The following FOXJ3 variants were observed in gnomAD, a reference collection of about 807,000 sequenced individuals.
The protein encoded by FOXJ3 is forkhead box protein J3.
A neutral mutation model predicts 76.1 loss-of-function variants in FOXJ3; 22 were observed. That is an observed-to-expected ratio of 0.29 (90% CI 0.21 to 0.41). The LOEUF is 0.41. FOXJ3 is among the 10% of genes least tolerant of loss of function. FOXJ3 has a pLI of 1.00. For synonymous variants in FOXJ3, 269 were observed against 261.2 expected (o/e 1.03, Z -0.29); for missense variants, 613 against 762.1 (o/e 0.80, Z 2.30).
At chr1:42,279,098 G>C (rs1652507385) in intron 2 of FOXJ3, among the ~76,000 whole-genome samples, 1 of 152,142 alleles carries the variant, frequency 6.6e-6, no homozygotes, top group African/African-American at 2.4e-5. Flanking sequence ...CAAATTTTAG[G>C]AGAGTCATAA....
At chr1:42,190,619 A>T (rs997469685) in intron 9 of FOXJ3, among the ~76,000 whole-genome samples, 1 of 152,258 alleles carries the variant, frequency 6.6e-6, no homozygotes, top group Non-Finnish European at 1.5e-5. Context: ...AAGCAGTACT[A>T]GAATCCAGAT....
chr1:42,324,103 T>TATATACACAATGTATATATA (rs1553170579), intron 1 of FOXJ3, among the ~76,000 whole-genome samples: 1 of 88,342 alleles, frequency 1.1e-5, no homozygotes, highest in Non-Finnish European at 2.1e-5. Context: ...ATATATACTG[T>TATATACACAATGTATATATA]GTATATACAC....
chr1:42,207,657 A>T (rs1292201851), intron 5 of FOXJ3, among the ~76,000 whole-genome samples: 1 of 152,222 alleles, frequency 6.6e-6, no homozygotes, highest in Non-Finnish European at 1.5e-5. Context: ...ATCATACCAG[A>T]TGAGCGAGAG....
chr1:42,269,189 G>A lies in FOXJ3; in HGVS notation c.370-4000C>T, dbSNP rs141192506. The stretch of plus-strand genomic sequence containing the variant: ...AAAGGGGATAACTAATAACAGAATT[G>A]TGGCGATAAAATGGAATCATAAAAA... On this transcript the variant is annotated intron_variant, in intron 3 of 12. Coordinates refer to ENST00000361346, the MANE Select transcript of FOXJ3 (RefSeq NM_014947.5). 3.1e-3 allele frequency among the ~76,000 whole-genome samples: 473 copies of A among 152,198 alleles called. 4 individuals carry two copies. The highest frequency in any genetic ancestry group is 0.011 in the African/African-American group (449 of 41,522).
chr1:42,266,509 G>A (rs551040846), intron 3 of FOXJ3, among the ~76,000 whole-genome samples: 20 of 152,264 alleles, frequency 1.3e-4, no homozygotes, highest in African/African-American at 4.8e-4. Context: ...ACAGGAAAAA[G>A]AGATGGCCAC....
chr1:42,208,348 T>A (rs1053587497), intron 5 of FOXJ3, among the ~76,000 whole-genome samples: 3 of 152,216 alleles, frequency 2.0e-5, no homozygotes, highest in African/African-American at 7.2e-5. Context: ...CATGATCAAG[T>A]GGGATTTATC....
At chr1:42,197,976 T>A (rs1181598573) in intron 7 of FOXJ3, among the ~76,000 whole-genome samples, 2 of 152,156 alleles carry the variant, frequency 1.3e-5, no homozygotes, top group Non-Finnish European at 2.9e-5. Flanking sequence ...TTTTAATTGT[T>A]TTTTGTTGTT....
At chr1:42,222,396 AGCTATTT>A (rs1647247798) in intron 5 of FOXJ3, among the ~76,000 whole-genome samples, 3 of 152,236 alleles carry the variant, frequency 2.0e-5, no homozygotes, top group Non-Finnish European at 4.4e-5. Context: ...ATCATCCACA[AGCTATTT>A]GGAGAATGAA....
At chr1:42,260,011 A>T (rs770858566) in intron 4 of FOXJ3, among the ~76,000 whole-genome samples, 1 of 152,188 alleles carries the variant, frequency 6.6e-6, no homozygotes, top group Non-Finnish European at 1.5e-5. Flanking sequence ...TTTCGGTCCA[A>T]CCAAACTCTT....
At chr1:42,187,301 G>A (rs1646457756) in intron 11 of FOXJ3, among the ~76,000 whole-genome samples, 1 of 152,364 alleles carries the variant, frequency 6.6e-6, no homozygotes, top group East Asian at 1.9e-4. Flanking sequence ...TTTTGAGGCT[G>A]ACTGAAATGG....
At chr1:42,333,749 A>C (rs1656296487) in intron 1 of FOXJ3, among the ~76,000 whole-genome samples, 1 of 152,192 alleles carries the variant, frequency 6.6e-6, no homozygotes, top group African/African-American at 2.4e-5. Context: ...CCATGTTTCA[A>C]ACCAGTTTCA....
intron 4 of FOXJ3, among the ~76,000 whole-genome samples, chr1:42,235,618 A>C (rs1191563747): frequency 6.6e-6 from 1 of 150,992 alleles, no homozygotes; most frequent in Non-Finnish European, 1.5e-5. Flanking sequence ...GCTGGAGTGC[A>C]GTGGCGCAAC....
intron 3 of FOXJ3, 114 bp downstream of exon 3, chr1:42,278,234 C>T (rs1201550857): frequency 2.5e-6 from 2 of 810,912 alleles, no homozygotes; most frequent in African/African-American, 3.5e-5. Context: ...CTAAAAATCA[C>T]TAGAGATCAA....
intron 4 of FOXJ3, among the ~76,000 whole-genome samples, chr1:42,248,260 C>T (rs766004387): frequency 2.6e-5 from 4 of 152,080 alleles, no homozygotes; most frequent in Non-Finnish European, 4.4e-5. Flanking sequence ...ATTGGCCGGG[C>T]GTGGTGGCTC....
intron 2 of FOXJ3, among the ~76,000 whole-genome samples, chr1:42,303,685 GATAA>G: frequency 6.6e-6 from 1 of 152,264 alleles, no homozygotes; most frequent in South Asian, 2.1e-4. Context: ...GATAAAAAGG[GATAA>G]ATACAGAAAA....
At chr1:42,257,539 A>T (rs1426139740) in intron 4 of FOXJ3, among the ~76,000 whole-genome samples, 1 of 152,136 alleles carries the variant, frequency 6.6e-6, no homozygotes, top group Non-Finnish European at 1.5e-5. Flanking sequence ...AACATGGTGA[A>T]ATCCCATCTC....
intron 5 of FOXJ3, among the ~76,000 whole-genome samples, chr1:42,222,104 A>AGAAGAAGAAGAAGAAGAG (rs1557649845): frequency 4.0e-5 from 6 of 148,474 alleles, no homozygotes; most frequent in Non-Finnish European, 9.0e-5. Context: ...AAGAAGAAGA[A>AGAAGAAGAAGAAGAAGAG]GAAGAAATAA....
At chr1:42,300,343 G>C (rs1249106907) in intron 2 of FOXJ3, among the ~76,000 whole-genome samples, 1 of 152,092 alleles carries the variant, frequency 6.6e-6, no homozygotes, top group African/African-American at 2.4e-5. Context: ...CTGTCCTTTC[G>C]TTAACATGCT....
chr1:42,239,378 CTCA>C (rs1648950945), intron 4 of FOXJ3, among the ~76,000 whole-genome samples: 1 of 152,126 alleles, frequency 6.6e-6, no homozygotes, highest in South Asian at 2.1e-4. Flanking sequence ...ATAAATGCGT[CTCA>C]TCAAGTTAAG....
Sources: gnomAD v4.1 joint callset for allele counts (sites outside exome capture counted in the v4.1 genomes callset) on GRCh38, gnomAD v4.1.1 for gene constraint, MANE v1.5 for transcripts, NCBI Gene and HGNC (gene_info 2026-07-23, HGNC 2026-07-21) for gene names.